OPTN: variants seen among roughly 807,000 people sequenced by gnomAD.
The protein encoded by OPTN is optineurin, also known as E3-14.7K-interacting protein.
In OPTN, 54 loss-of-function variants were observed where a neutral mutation model predicts 70.4. The ratio of observed to expected loss-of-function variants is 0.77; its 90% CI spans 0.62 to 0.96. The LOEUF (loss-of-function observed/expected upper bound fraction) is 0.96. Among genes scored for constraint, OPTN ranks in the 40% least tolerant of loss-of-function variants. OPTN has a pLI of 0.00. For synonymous variants in OPTN, 256 were observed against 248.5 expected (o/e 1.03, Z -0.28); for missense variants, 624 against 673.2 (o/e 0.93, Z 0.81).
Position 13,123,889 on chromosome 10 carries a change from C to G in OPTN, c.883-106C>G. On this transcript the variant is annotated intron_variant, in intron 8 of 14. Transcript: ENST00000378747. ...TGTCAAAGTTGGATTGATTCACCAG[C>G]CAGTCTTAATTGGCTACTAATGGTT... is the stretch of plus-strand genomic sequence containing the variant. The G allele has an allele frequency of 1.6e-5, 12 of 763,992 alleles. No homozygotes were observed. In the South Asian group the frequency reaches 1.8e-4, roughly 11 times the overall value. 47.3% of individuals were successfully genotyped at this position (763,992 alleles called of 1,614,324 possible).
chr10:13,136,981 T>C lies in OPTN; in HGVS notation c.*115T>C. 1 of 1,436,420 alleles carries C rather than the reference T, an allele frequency of 7.0e-7. No individual in the cohort carries two copies. The highest frequency in any genetic ancestry group is 1.7e-5 in the Admixed American group (1 of 59,480). 89.0% of individuals were successfully genotyped at this position (1,436,420 alleles called of 1,614,324 possible). ...AATATTTTGCCTCATTATTCTTGTT[T>C]TAAAAGAAAGAAAACAGGCCGGGCA... On this transcript the variant is annotated 3_prime_UTR_variant, in exon 15 of 15. Coordinates refer to ENST00000378747, the MANE Select transcript of OPTN (RefSeq NM_001008212.2).
chr10:13,128,196 G>T (rs1833508837), intron 12 of OPTN, among the ~76,000 whole-genome samples: 1 of 152,048 alleles, frequency 6.6e-6, no homozygotes, highest in African/African-American at 2.4e-5. Flanking sequence ...ATTTCTGTTG[G>T]GTACACACCT....
In OPTN at chr10:13,136,846, G is replaced by A. The variant is rs1258718059; in HGVS notation, c.1714G>A (p.Val572Met). The change falls in exon 15 of 15, where the codon GTG becomes ATG. Residue 572 changes from valine (V) to methionine (M), a missense_variant. Coordinates refer to ENST00000378747, the MANE Select transcript of OPTN (RefSeq NM_001008212.2). Reference sequence around the variant, plus strand: ...TGACATAGACACGTTACAGATTCACGTGATGGATTGCATCATTTAAGTGTT... The same window carrying A: ...TGACATAGACACGTTACAGATTCACATGATGGATTGCATCATTTAAGTGTT... ...LPDIDTLQIH[V>M]MDCII 20 of 1,614,052 alleles carry A rather than the reference G, an allele frequency of 1.2e-5. No homozygotes were observed. The highest frequency in any genetic ancestry group is 3.3e-5 in the South Asian group (3 of 91,080).
intron 2 of OPTN, chr10:13,108,877 C>T: frequency 2.0e-6 from 1 of 511,266 alleles, no homozygotes; most frequent in East Asian, 3.7e-5. Flanking sequence ...CCCATACACA[C>T]ACACGCACAC....
chr10:13,108,647 C>T (rs866820212), intron 2 of OPTN, among the ~76,000 whole-genome samples: 5 of 151,590 alleles, frequency 3.3e-5, no homozygotes, highest in Non-Finnish European at 7.4e-5. Flanking sequence ...CCCGGGTTCA[C>T]GCCATTCTCC....
chr10:13,111,502 A>G (rs925735504), intron 4 of OPTN, among the ~76,000 whole-genome samples: 1 of 151,370 alleles, frequency 6.6e-6, no homozygotes, highest in Non-Finnish European at 1.5e-5. Flanking sequence ...GTTCGAGACC[A>G]GCCTGGCCAA....
In OPTN at chr10:13,121,091, C is replaced by CATGGGGATT. The variant is rs534727784; in HGVS notation, c.780-1283_780-1275dup. On this transcript the variant is annotated intron_variant, in intron 7 of 14. Transcript: ENST00000378747. The stretch of plus-strand genomic sequence containing the variant: ...CCTCCACCTGGTCTCTCCCTTGACA[C>CATGGGGATT]ATGGGGATTATGGGGATTACAATTC... 4.7e-3 allele frequency among the ~76,000 whole-genome samples: 717 copies of CATGGGGATT among 152,204 alleles called. 5 individuals are homozygous for CATGGGGATT. Among genetic ancestry groups the CATGGGGATT allele is most frequent in the African/African-American group, 0.015 (622 of 41,532 alleles).
intron 5 of OPTN, among the ~76,000 whole-genome samples, chr10:13,115,209 T>TTATATATATATTTATAGATATATCTATA (rs1833142087): frequency 7.0e-5 from 4 of 57,158 alleles, no homozygotes; most frequent in African/African-American, 2.6e-4. Context: ...ATATCTATAT[T>TTATATATATATTTATAGATATATCTATA]TATATATATA....
At chr10:13,125,694 C>A in intron 10 of OPTN, 127 bp downstream of exon 10, 2 of 1,085,184 alleles carry the variant, frequency 1.8e-6, no homozygotes, top group Non-Finnish European at 1.4e-6. Context: ...TGAAGGAGTC[C>A]TAGCAGACCT....
chr10:13,101,012 C>A (rs762693882), intron 1 of OPTN, among the ~76,000 whole-genome samples: 54 of 152,168 alleles, frequency 3.5e-4, no homozygotes, highest in Non-Finnish European at 2.1e-4. Context: ...ACCTCAGAAG[C>A]CTTTGGATCT....
At chr10:13,128,012 T>A (rs1437853860) in intron 12 of OPTN, 109 bp downstream of exon 12, 3 of 1,319,190 alleles carry the variant, frequency 2.3e-6, no homozygotes, top group Non-Finnish European at 3.2e-6. Context: ...TTATATATTT[T>A]TTCACCCGTG....
At chr10:13,111,571 G>A (rs1832998712) in intron 4 of OPTN, among the ~76,000 whole-genome samples, 3 of 151,936 alleles carry the variant, frequency 2.0e-5, no homozygotes, top group South Asian at 4.2e-4. Context: ...GGTAGTGCGT[G>A]CCTGTAGTCC....
At chr10:13,136,586 G>A (rs906254768) in intron 14 of OPTN, among the ~76,000 whole-genome samples, 159 bp from the exon 15 acceptor site, 6 of 150,670 alleles carry the variant, frequency 4.0e-5, no homozygotes, top group South Asian at 2.1e-4. Flanking sequence ...TATGTGCATC[G>A]TGATGACTTC....
At chr10:13,120,507 CG>C (rs1833322699) in intron 7 of OPTN, among the ~76,000 whole-genome samples, 1 of 148,708 alleles carries the variant, frequency 6.7e-6, no homozygotes, top group African/African-American at 2.5e-5. Context: ...TGGCCTGGCG[CG>C]GTGGCCAAAA....
chr10:13,134,580 A>C (rs1564369924), intron 14 of OPTN, among the ~76,000 whole-genome samples: 1 of 152,068 alleles, frequency 6.6e-6, no homozygotes, highest in Admixed American at 6.6e-5. Flanking sequence ...CTACAGGTGC[A>C]CGCCACCACG....
At chr10:13,114,853 A>AT (rs1833110569) in intron 5 of OPTN, among the ~76,000 whole-genome samples, 1 of 77,064 alleles carries the variant, frequency 1.3e-5, no homozygotes, top group Non-Finnish European at 2.4e-5. Context: ...TAATTGTATA[A>AT]TATATTCTAC....
At chr10:13,128,176 G>C (rs1451863677) in intron 12 of OPTN, among the ~76,000 whole-genome samples, 2 of 152,118 alleles carry the variant, frequency 1.3e-5, no homozygotes, top group Non-Finnish European at 2.9e-5. Flanking sequence ...TTCACATGTG[G>C]ATATTTTATA....
intron 5 of OPTN, among the ~76,000 whole-genome samples, chr10:13,115,508 AT>A (rs1440364149): frequency 0.017 from 1,487 of 87,136 alleles, 103 homozygotes; most frequent in African/African-American, 0.059. Context: ...AATATAGAAT[AT>A]ATATAATATA....
intron 1 of OPTN, among the ~76,000 whole-genome samples, chr10:13,107,611 G>A (rs1158187265): frequency 1.3e-5 from 2 of 151,770 alleles, no homozygotes; most frequent in African/African-American, 4.8e-5. Context: ...TCGATCTCCT[G>A]ACCTCGTAAT....
Sources: allele counts gnomAD v4.1 joint callset (sites outside exome capture counted in the v4.1 genomes callset), GRCh38; gene constraint gnomAD v4.1.1; transcripts MANE v1.5; gene names NCBI Gene and HGNC (gene_info 2026-07-23, HGNC 2026-07-21).